Variants in PIEZO2 observed in about 807,000 individuals in gnomAD.
The protein encoded by PIEZO2 is piezo type mechanosensitive ion channel component 2.
PIEZO2 carries 172 observed loss-of-function variants against 337.3 expected under a neutral mutation model. That is an observed-to-expected ratio of 0.51 (90% CI 0.45 to 0.58). The LOEUF is 0.58. PIEZO2 is among the 20% of genes least tolerant of loss of function. The probability of loss-of-function intolerance (pLI) is 0.00; values close to 1 mark genes in which losing one functional copy is unlikely to be tolerated. For missense variants in PIEZO2, 3,028 were observed against 3,391.3 expected (o/e 0.89, Z 2.66); for synonymous variants, 1,251 against 1,228.5 (o/e 1.02, Z -0.38).
intron 18 of PIEZO2, among the ~76,000 whole-genome samples, chr18:10,779,330 A>T (rs1346434730): frequency 1.3e-5 from 2 of 152,250 alleles, no homozygotes; most frequent in African/African-American, 4.8e-5. Context: ...CTCTTACTAA[A>T]TTACTAGCTT....
intron 3 of PIEZO2, among the ~76,000 whole-genome samples, chr18:10,975,128 T>A (rs1283996180): frequency 6.6e-6 from 1 of 152,244 alleles, no homozygotes; most frequent in Admixed American, 6.5e-5. Context: ...GGTTCATAGA[T>A]GCTCTATAAA....
At chr18:10,742,829 T>C (rs2037279848) in intron 31 of PIEZO2, among the ~76,000 whole-genome samples, 2 of 152,126 alleles carry the variant, frequency 1.3e-5, no homozygotes, top group South Asian at 4.2e-4. Context: ...TGTGTGTGTG[T>C]ATTCCCATGT....
rs2144638509 is a variant in PIEZO2 at position 10,846,352 on chromosome 18, T to A, written c.917+9001A>T. 6.6e-6 allele frequency among the ~76,000 whole-genome samples: 1 copy of A among 152,284 alleles called. No homozygotes were observed. Among genetic ancestry groups the A allele is most frequent in the East Asian group, 1.9e-4 (1 of 5,186 alleles). ...TCACCAGAACAACACAGGAAAGACC[T>A]GCCCCCATAATTCAATCACCTCCCA... On this transcript the variant is annotated intron_variant, in intron 7 of 55. Transcript: ENST00000674853. This position sits in a 1 kb window ranked among gnomAD's most constrained non-coding sequence, Gnocchi z 4.1.
chr18:10,733,909 G>A (rs145539853), intron 35 of PIEZO2, among the ~76,000 whole-genome samples: 4 of 152,292 alleles, frequency 2.6e-5, no homozygotes, highest in Non-Finnish European at 4.4e-5. Flanking sequence ...AGTAGCATGC[G>A]TTCCTGACTT....
chr18:10,956,349 A>G (rs192018236), intron 3 of PIEZO2, among the ~76,000 whole-genome samples: 4 of 152,336 alleles, frequency 2.6e-5, no homozygotes, highest in Admixed American at 2.6e-4. Flanking sequence ...CTGTACACTG[A>G]AAACTATAAA....
At chr18:10,840,016 G>C (rs2041142698) in intron 7 of PIEZO2, among the ~76,000 whole-genome samples, 1 of 152,152 alleles carries the variant, frequency 6.6e-6, no homozygotes, top group South Asian at 2.1e-4. Context: ...AGTCTTAACT[G>C]TTTGAAGTTA....
chr18:11,013,453 G>A (rs925391568), intron 2 of PIEZO2, among the ~76,000 whole-genome samples: 5 of 152,286 alleles, frequency 3.3e-5, no homozygotes, highest in South Asian at 2.1e-4. Flanking sequence ...GTCTTAAGCC[G>A]CCAAGTTTGC....
At chr18:11,065,545 T>C (rs949770662) in intron 2 of PIEZO2, among the ~76,000 whole-genome samples, 12 of 152,206 alleles carry the variant, frequency 7.9e-5, no homozygotes, top group Admixed American at 3.3e-4. Context: ...CAGGTTCTTA[T>C]AGAGTAACCA....
intron 7 of PIEZO2, among the ~76,000 whole-genome samples, chr18:10,816,970 A>G (rs1034644115): frequency 2.6e-5 from 4 of 152,194 alleles, no homozygotes; most frequent in Non-Finnish European, 4.4e-5. Context: ...GCATGGTACA[A>G]TTATAAATGG....
At chr18:11,142,778 CAAAAA>C (rs11290889) in intron 1 of PIEZO2, among the ~76,000 whole-genome samples, 1 of 116,170 alleles carries the variant, frequency 8.6e-6, no homozygotes, top group Non-Finnish European at 1.7e-5. Flanking sequence ...GAGATTATCG[CAAAAA>C]AAAAAAAAAA....
intron 3 of PIEZO2, among the ~76,000 whole-genome samples, chr18:10,922,616 G>A (rs1354157210): frequency 1.3e-5 from 2 of 152,066 alleles, no homozygotes; most frequent in Non-Finnish European, 2.9e-5. Context: ...GGCATGAACA[G>A]ACAGAGGACT....
chr18:10,732,317 C>A (rs2036820971), intron 35 of PIEZO2, among the ~76,000 whole-genome samples: 1 of 152,240 alleles, frequency 6.6e-6, no homozygotes, highest in African/African-American at 2.4e-5. Flanking sequence ...GCACCACAAA[C>A]ACACCTGGGT....
chr18:10,875,140 G>C (rs182274158), intron 4 of PIEZO2, among the ~76,000 whole-genome samples: 12 of 152,160 alleles, frequency 7.9e-5, no homozygotes, highest in African/African-American at 2.9e-4. Flanking sequence ...TCCTGTGAAA[G>C]CTTAATTTTT....
chr18:10,767,851 A>G lies in PIEZO2; in HGVS notation c.2946+2297T>C, dbSNP rs1256022120. On this transcript the variant is annotated intron_variant, in intron 21 of 55. Transcript: ENST00000674853. This position sits in a 1 kb window ranked among gnomAD's most constrained non-coding sequence, Gnocchi z 4.2. The stretch of plus-strand genomic sequence containing the variant: ...AGGGGCTGGGTGTCAGTGCCGGCCA[A>G]GAGTGGCTGTGGGATGCCCCACCGT... Among the ~76,000 whole-genome samples the G allele has an allele frequency of 6.6e-6, 1 of 152,184 alleles. No individual in the cohort carries two copies. Among genetic ancestry groups the G allele is most frequent in the Non-Finnish European group, 1.5e-5 (1 of 68,022 alleles).
chr18:10,931,466 T>C (rs1232068733), intron 3 of PIEZO2, among the ~76,000 whole-genome samples: 2 of 152,228 alleles, frequency 1.3e-5, no homozygotes, highest in African/African-American at 2.4e-5. Flanking sequence ...CCCAAAGTGC[T>C]GGGATTACAG....
chr18:10,970,411 G>T (rs907068837), intron 3 of PIEZO2, among the ~76,000 whole-genome samples: 1 of 152,188 alleles, frequency 6.6e-6, no homozygotes, highest in Non-Finnish European at 1.5e-5. Context: ...ATGCACACGG[G>T]TGCCCAGGGC....
chr18:11,090,780 C>G (rs1389980022), intron 1 of PIEZO2, among the ~76,000 whole-genome samples: 1 of 151,790 alleles, frequency 6.6e-6, no homozygotes, highest in Non-Finnish European at 1.5e-5. Flanking sequence ...GGCGTGGTGG[C>G]GGGCGCCTGT....
intron 2 of PIEZO2, among the ~76,000 whole-genome samples, chr18:11,018,600 A>G (rs1298132872): frequency 6.6e-6 from 1 of 152,108 alleles, no homozygotes; most frequent in Non-Finnish European, 1.5e-5. Flanking sequence ...GGGTGACACT[A>G]CTGTGAACAC....
At chr18:11,093,300 C>T (rs1438012723) in intron 1 of PIEZO2, among the ~76,000 whole-genome samples, 1 of 152,144 alleles carries the variant, frequency 6.6e-6, no homozygotes, top group East Asian at 1.9e-4. Flanking sequence ...CAAACCCTGT[C>T]TATCTAACAG....
Sources: allele counts gnomAD v4.1 joint callset (sites outside exome capture counted in the v4.1 genomes callset), GRCh38; gene constraint gnomAD v4.1.1; non-coding constraint Gnocchi (gnomAD v3.1); transcripts MANE v1.5; gene names NCBI Gene and HGNC (gene_info 2026-07-23, HGNC 2026-07-21).